Variants in RB1 observed in about 807,000 individuals in gnomAD.
RB1 encodes RB transcriptional corepressor 1, also known as retinoblastoma-associated protein.
A neutral mutation model predicts 135.4 loss-of-function variants in RB1; 18 were observed. The ratio of observed to expected loss-of-function variants is 0.13; its 90% CI spans 0.09 to 0.20. The LOEUF (loss-of-function observed/expected upper bound fraction) is 0.20, where lower values mean the gene tolerates loss of function less well. Ranked by LOEUF, RB1 falls within the 10% of genes least tolerant of loss-of-function variation. The pLI is 1.00. For synonymous variants in RB1, 365 were observed against 373.2 expected, an observed-to-expected ratio of 0.98 and a Z score of 0.25; for missense variants, 868 against 1,110.0, an observed-to-expected ratio of 0.78 and a Z score of 3.10.
chr13:48,309,039 A>G (rs1952110072), intron 2 of RB1, among the ~76,000 whole-genome samples: 1 of 152,062 alleles, frequency 6.6e-6, no homozygotes, highest in Admixed American at 6.5e-5. Flanking sequence ...GTTTTTTCCA[A>G]CTTTTTGATG....
rs879921821 is a variant in RB1, at chr13:48,346,368, ATATGTGTGTG to A, written c.500+1171_500+1180del. Among the ~76,000 whole-genome samples, 32 of 108,596 alleles carry A rather than the reference ATATGTGTGTG, an allele frequency of 2.9e-4. No homozygotes were observed. The East Asian group carries it at 4.8e-3, about 16-fold the overall frequency. The allele number at this position is 108,596 out of a possible 152,430, so 71.2% of individuals were successfully genotyped here. On this transcript the variant is annotated intron_variant, in intron 4 of 26. Coordinates refer to ENST00000267163, the MANE Select transcript of RB1 (RefSeq NM_000321.3). ...TTTCACATTGAGTAGAATATTATATATATGTGTGTGTGTGTGTGTGTGTGTGTGTGTGTGT... is the reference window on the plus strand; with the variant it reads ...TTTCACATTGAGTAGAATATTATATATGTGTGTGTGTGTGTGTGTGTGTGT...
chr13:48,339,892 T>G (rs781294244), intron 2 of RB1, among the ~76,000 whole-genome samples: 23 of 152,118 alleles, frequency 1.5e-4, no homozygotes, highest in Non-Finnish European at 3.1e-4. Flanking sequence ...CAAACTCAAC[T>G]AAAATGAACA....
chr13:48,394,654 C>T (rs545146871), intron 17 of RB1, among the ~76,000 whole-genome samples: 35 of 152,324 alleles, frequency 2.3e-4, no homozygotes, highest in African/African-American at 8.2e-4. Context: ...GCAGAGCCTA[C>T]CACAGCTCCC....
At chr13:48,329,031 T>C (rs773285675) in intron 2 of RB1, among the ~76,000 whole-genome samples, 2 of 152,180 alleles carry the variant, frequency 1.3e-5, no homozygotes, top group Non-Finnish European at 2.9e-5. Flanking sequence ...CTGATAGTCA[T>C]AATTATTGAT....
chr13:48,418,776 T>C lies in RB1; in HGVS notation c.1696-34217T>C, dbSNP rs372828045. Among the ~76,000 whole-genome samples the C allele has an allele frequency of 1.7e-4, 25 of 148,084 alleles. No individual in the cohort carries two copies. In the East Asian group the frequency reaches 3.7e-3, roughly 22 times the overall value. Reference sequence around the variant, plus strand: ...AAAACAGACTTTAAACCAACGAAGATCAAAAAAGACAAGAAGGGCATTACA... The same window carrying C: ...AAAACAGACTTTAAACCAACGAAGACCAAAAAAGACAAGAAGGGCATTACA... On this transcript the variant is annotated intron_variant, in intron 17 of 26. Coordinates refer to ENST00000267163, the MANE Select transcript of RB1 (RefSeq NM_000321.3).
At chr13:48,340,589 GA>G (rs143659593) in intron 2 of RB1, among the ~76,000 whole-genome samples, 5 of 149,232 alleles carry the variant, frequency 3.4e-5, no homozygotes, top group South Asian at 2.1e-4. Context: ...GAGAGAGAGA[GA>G]AAAAAAAAGG....
rs148182323 is a variant in RB1, at chr13:48,390,712, C to T, written c.1695+9269C>T. Among the ~76,000 whole-genome samples, 173 of 152,282 alleles carry T rather than the reference C, an allele frequency of 1.1e-3. 5 individuals carry two copies. The East Asian group carries it at 0.028, about 25-fold the overall frequency. ...CCTCTTTAATCATTATAAAATGACC[C>T]TCTCTTTATCCCTCGTAATATTGTT... On this transcript the variant is annotated intron_variant, in intron 17 of 26. Transcript: ENST00000267163.
At chr13:48,419,739 A>G (rs967739671) in intron 17 of RB1, among the ~76,000 whole-genome samples, 1 of 152,256 alleles carries the variant, frequency 6.6e-6, no homozygotes, top group African/African-American at 2.4e-5. Context: ...ACAAACTACC[A>G]TCAGAGAATA....
At chr13:48,447,456 C>G (rs1046322624) in intron 17 of RB1, among the ~76,000 whole-genome samples, 4 of 152,112 alleles carry the variant, frequency 2.6e-5, no homozygotes, top group Admixed American at 2.0e-4. Context: ...TACAGTCATA[C>G]GTTTGAGGAA....
chr13:48,465,157 T>C (rs755697562), intron 22 of RB1, 46 bp downstream of exon 22: 1 of 1,612,352 alleles, frequency 6.2e-7, no homozygotes, highest in South Asian at 1.1e-5. Flanking sequence ...ATGTAATGGG[T>C]CCACCAAAAC....
chr13:48,408,035 G>C (rs561628254), intron 17 of RB1, among the ~76,000 whole-genome samples: 1 of 152,076 alleles, frequency 6.6e-6, no homozygotes, highest in South Asian at 2.1e-4. Context: ...TCAGATTCTT[G>C]ATAACTATGT....
chr13:48,411,278 G>T, intron 17 of RB1: 2 of 870,516 alleles, frequency 2.3e-6, no homozygotes, highest in Non-Finnish European at 3.8e-6. Flanking sequence ...ACTTTAAAAT[G>T]TCCATGTGTT....
chr13:48,365,623 A>G (rs1224545972), intron 9 of RB1, among the ~76,000 whole-genome samples: 1 of 152,226 alleles, frequency 6.6e-6, no homozygotes, highest in Non-Finnish European at 1.5e-5. Context: ...GTGTTTTAGA[A>G]GACATAGTAT....
chr13:48,330,335 A>G (rs1593427709), intron 2 of RB1, among the ~76,000 whole-genome samples: 1 of 152,144 alleles, frequency 6.6e-6, no homozygotes, highest in East Asian at 1.9e-4. Context: ...TCACAGCAGA[A>G]ATAAATGAAA....
At chr13:48,411,814 A>G (rs1948810552) in intron 17 of RB1, 1 of 1,612,934 alleles carries the variant, frequency 6.2e-7, no homozygotes. Context: ...ACCATACTAG[A>G]ACAAGTTACA....
At chr13:48,382,287 C>T (rs1413234463) in intron 17 of RB1, among the ~76,000 whole-genome samples, 4 of 151,204 alleles carry the variant, frequency 2.6e-5, no homozygotes, top group Non-Finnish European at 5.9e-5. Context: ...AATCGCCACA[C>T]TGTTGAACTA....
chr13:48,410,898 TA>T (rs932949644), intron 17 of RB1: 1 of 152,532 alleles, frequency 6.6e-6, no homozygotes, highest in Non-Finnish European at 1.5e-5. Flanking sequence ...ACATATATTT[TA>T]AAATACTCCC....
chr13:48,387,451 A>G (rs1419394115), intron 17 of RB1, among the ~76,000 whole-genome samples: 1 of 152,184 alleles, frequency 6.6e-6, no homozygotes, highest in East Asian at 1.9e-4. Flanking sequence ...AGAAAACCAC[A>G]TATTGTATAA....
intron 24 of RB1, among the ~76,000 whole-genome samples, chr13:48,474,616 A>G (rs1170770921): frequency 6.6e-6 from 1 of 152,050 alleles, no homozygotes; most frequent in East Asian, 1.9e-4. Flanking sequence ...TTCCATACAT[A>G]TGCACTTTTT....
Sources: gnomAD v4.1 joint callset for allele counts (sites outside exome capture counted in the v4.1 genomes callset) on GRCh38, gnomAD v4.1.1 for gene constraint, MANE v1.5 for transcripts, NCBI Gene and HGNC (gene_info 2026-07-23, HGNC 2026-07-21) for gene names.